Variants in LYAR observed in about 807,000 individuals in gnomAD.
LYAR encodes the protein Ly1 antibody reactive.
LYAR carries 37 observed loss-of-function variants against 45.2 expected under a neutral mutation model. The ratio of observed to expected loss-of-function variants is 0.82; its 90% CI spans 0.63 to 1.08. The LOEUF (loss-of-function observed/expected upper bound fraction) is 1.08. LYAR is among the 50% of genes least tolerant of loss of function. The pLI is 0.00. For synonymous variants in LYAR, 176 were observed against 155.1 expected (o/e 1.14, Z -1.00); for missense variants, 493 against 451.0 (o/e 1.09, Z -0.84).
chr4:4,279,555 A>T (rs780148603), intron 5 of LYAR, 25 bp from the exon 6 acceptor site: 1 of 1,582,046 alleles, frequency 6.3e-7, no homozygotes, highest in African/African-American at 1.3e-5. Flanking sequence ...AAGAAAAAGA[A>T]CTATTGATCC....
chr4:4,286,645 A>G (rs1719624041), intron 1 of LYAR, 73 bp from the exon 2 acceptor site: 1 of 79,556 alleles, frequency 1.3e-5, no homozygotes, highest in African/African-American at 5.6e-5. Flanking sequence ...ATTTAATTAA[A>G]CTTTTTTTTT....
chr4:4,281,294 G>T lies in LYAR; in HGVS notation c.237+489C>A, dbSNP rs554198691. On this transcript the variant is annotated intron_variant, in intron 4 of 9. Transcript: ENST00000343470. The stretch of plus-strand genomic sequence containing the variant: ...ATTAAAGGTATAATGCACCGCAACT[G>T]TTTTAACAGCTAGAAGAATAAAGAA... Among the ~76,000 whole-genome samples, 5 of 146,376 alleles carry T rather than the reference G, an allele frequency of 3.4e-5. No individual in the cohort carries two copies. In the East Asian group the frequency reaches 9.6e-4, roughly 28 times the overall value.
intron 8 of LYAR, among the ~76,000 whole-genome samples, chr4:4,271,502 G>T (rs926997645): frequency 6.6e-6 from 1 of 152,110 alleles, no homozygotes; most frequent in African/African-American, 2.4e-5. Flanking sequence ...TTCAACACAG[G>T]GATTTCCTTT....
At chr4:4,281,493 G>GT (rs1719391801) in intron 4 of LYAR, among the ~76,000 whole-genome samples, 2 of 148,296 alleles carry the variant, frequency 1.3e-5, no homozygotes, top group Non-Finnish European at 3.0e-5. Context: ...CTAATTTTTT[G>GT]TATTTTTAGT....
At chr4:4,268,935 G>A (rs1718818743) in intron 8 of LYAR, 1 of 196,914 alleles carries the variant, frequency 5.1e-6, no homozygotes, top group Non-Finnish European at 1.0e-5. Flanking sequence ...TGCACAGTAG[G>A]GAGGACAAAG....
At chr4:4,281,075 A>G (rs987309242) in intron 4 of LYAR, among the ~76,000 whole-genome samples, 4 of 152,200 alleles carry the variant, frequency 2.6e-5, no homozygotes, top group Non-Finnish European at 5.9e-5. Context: ...AATTCTCTGC[A>G]TTGACGAAAG....
chr4:4,272,395 G>A (rs1198516238), intron 8 of LYAR, among the ~76,000 whole-genome samples: 1 of 152,174 alleles, frequency 6.6e-6, no homozygotes, highest in Non-Finnish European at 1.5e-5. Context: ...CCCAGTGGAT[G>A]CCTGAAATCA....
chr4:4,282,619 C>A (rs1292458163), intron 3 of LYAR, among the ~76,000 whole-genome samples: 1 of 152,198 alleles, frequency 6.6e-6, no homozygotes, highest in Non-Finnish European at 1.5e-5. Flanking sequence ...CAGATGCAGC[C>A]AGAAGCCAGC....
intron 2 of LYAR, among the ~76,000 whole-genome samples, chr4:4,285,039 T>C (rs1719553147): frequency 6.6e-6 from 1 of 152,160 alleles, no homozygotes; most frequent in Non-Finnish European, 1.5e-5. Context: ...CCATTCAGCC[T>C]TGAATGGAAA....
At chr4:4,279,367 T>C (rs1577215711) in intron 6 of LYAR, 80 bp downstream of exon 6, 1 of 996,610 alleles carries the variant, frequency 1.0e-6, no homozygotes, top group Non-Finnish European at 1.5e-6. Flanking sequence ...CTGCCTTGAC[T>C]TCCAAAAATA....
chr4:4,286,458 T>G (rs901163371), intron 2 of LYAR, 61 bp downstream of exon 2: 1 of 151,968 alleles, frequency 6.6e-6, no homozygotes. Flanking sequence ...GGAAATTCAG[T>G]CCCTCTAATG....
intron 6 of LYAR, among the ~76,000 whole-genome samples, chr4:4,276,749 C>T (rs1016003243): frequency 2.2e-4 from 32 of 144,746 alleles, no homozygotes; most frequent in African/African-American, 7.2e-4. Context: ...CCTAGCTACT[C>T]GGGGGGCTGG....
intron 6 of LYAR, among the ~76,000 whole-genome samples, chr4:4,275,552 C>T (rs191588376): frequency 6.6e-6 from 1 of 151,978 alleles, no homozygotes; most frequent in East Asian, 1.9e-4. Flanking sequence ...TCAGGCAACA[C>T]GCCTGCCTCA....
At chr4:4,284,727 AT>A (rs1288293735) in intron 2 of LYAR, among the ~76,000 whole-genome samples, 1 of 152,192 alleles carries the variant, frequency 6.6e-6, no homozygotes, top group Non-Finnish European at 1.5e-5. Context: ...TACTTACATA[AT>A]TTTTAATCAC....
At position 4,281,867 on chromosome 4, in the gene LYAR, G is replaced by T. The variant is rs991560772; in HGVS notation, c.153C>A (p.Cys51Ter). ...CACCATACTTCTGATCTTCACTTAT[G>T]CATTTCACGTGGTTTTTATAGTCAT... is the stretch of plus-strand genomic sequence containing the variant. ...WGDDYKNHVK[C>*]ISEDQKYGGK... Residue 51 changes from cysteine (C) to a stop codon, truncating the protein, a stop_gained, in exon 4 of 10, where the codon TGC (cysteine) becomes TGA (stop). Transcript: ENST00000343470. LOFTEE classifies it high-confidence loss of function. 6.2e-7 allele frequency: 1 copy of T among 1,614,028 alleles called. No individual in the cohort carries two copies.
intron 1 of LYAR, among the ~76,000 whole-genome samples, chr4:4,287,787 A>G (rs940016553): frequency 1.3e-5 from 2 of 151,234 alleles, no homozygotes; most frequent in Non-Finnish European, 2.9e-5. Context: ...TCCAAAGAGA[A>G]AAAAAATTAA....
At chr4:4,279,889 A>C (rs12646164) in intron 4 of LYAR, 140 bp from the exon 5 acceptor site, 211,399 of 611,562 alleles carry the variant, frequency 0.35, 38,640 homozygotes, top group East Asian at 0.53. Context: ...TATGCTTAAA[A>C]ATATATAGGT....
chr4:4,288,040 C>G (rs1468544933), intron 1 of LYAR, among the ~76,000 whole-genome samples: 3 of 152,150 alleles, frequency 2.0e-5, no homozygotes, highest in South Asian at 2.1e-4. Context: ...TGTAGAGGAT[C>G]TGAGCTGGAG....
intron 4 of LYAR, 22 bp from the exon 5 acceptor site, chr4:4,279,771 G>C (rs1719327933): frequency 6.9e-7 from 1 of 1,453,976 alleles, no homozygotes; most frequent in Non-Finnish European, 9.6e-7. Context: ...GAAGAAAAAA[G>C]AAAAACTATT....
Sources: allele counts gnomAD v4.1 joint callset (sites outside exome capture counted in the v4.1 genomes callset), GRCh38; gene constraint gnomAD v4.1.1; transcripts MANE v1.5; gene names NCBI Gene and HGNC (gene_info 2026-07-23, HGNC 2026-07-21).